The following PCDHGB5 variants were observed in gnomAD, a reference collection of about 807,000 sequenced individuals.
The protein encoded by PCDHGB5 is protocadherin gamma-B5.
Under a neutral mutation model 62.9 loss-of-function variants are expected in PCDHGB5, and 48 were observed. The observed-to-expected ratio is 0.76, with a 90% CI of 0.61 to 0.97. The LOEUF is 0.97. Among genes scored for constraint, PCDHGB5 ranks in the 50% least tolerant of loss-of-function variants. PCDHGB5 has a pLI of 0.00. For synonymous variants in PCDHGB5, 474 were observed against 511.2 expected (o/e 0.93, Z 0.98); for missense variants, 1,118 against 1,198.6 (o/e 0.93, Z 0.99).
intron 1 of PCDHGB5, chr5:141,423,760 G>GGT: frequency 7.2e-6 from 2 of 279,662 alleles, no homozygotes; most frequent in Non-Finnish European, 1.1e-5. Context: ...TGGGGGGGGG[G>GGT]TGGGGCGGCA....
At chr5:141,407,969 A>C (rs900029714) in intron 1 of PCDHGB5, 1 of 708,308 alleles carries the variant, frequency 1.4e-6, no homozygotes, top group Non-Finnish European at 2.2e-6. Flanking sequence ...GCAAGCGCTG[A>C]CGCCGGGGAT....
intron 1 of PCDHGB5, chr5:141,422,206 G>A (rs1269700250): frequency 6.4e-7 from 1 of 1,562,324 alleles, no homozygotes; most frequent in Non-Finnish European, 8.6e-7. Flanking sequence ...AGATGGTGGA[G>A]GTCTCTTTAC....
intron 1 of PCDHGB5, among the ~76,000 whole-genome samples, chr5:141,425,689 A>C (rs887583603): frequency 6.6e-6 from 1 of 152,232 alleles, no homozygotes; most frequent in African/African-American, 2.4e-5. Flanking sequence ...ACTGCATATC[A>C]TTTCATAGTG....
rs960870975 is a variant in PCDHGB5 at position 141,417,761 on chromosome 5, C to T, written c.2397+17237C>T. On this transcript the variant is annotated intron_variant, in intron 1 of 3. Coordinates refer to ENST00000617380, the MANE Select transcript of PCDHGB5 (RefSeq NM_018925.3). ...ACACCAGATTGCCAGCTCCGAGACC[C>T]GGGACTCCTCCTGTCCTGGGCCGAA... is the stretch of plus-strand genomic sequence containing the variant. 1.8e-5 allele frequency: 26 copies of T among 1,438,736 alleles called. No homozygotes were observed. The East Asian group carries it at 5.0e-4, about 28-fold the overall frequency. The allele number at this position is 1,438,736 out of a possible 1,614,324, so 89.1% of individuals were successfully genotyped here.
intron 1 of PCDHGB5, among the ~76,000 whole-genome samples, chr5:141,425,257 G>A (rs746250240): frequency 6.6e-6 from 1 of 152,152 alleles, no homozygotes; most frequent in Non-Finnish European, 1.5e-5. Context: ...TGAGGTATTT[G>A]GCTGGGAAAA....
intron 2 of PCDHGB5, among the ~76,000 whole-genome samples, chr5:141,500,231 C>T (rs992215482): frequency 1.4e-5 from 2 of 138,098 alleles, no homozygotes; most frequent in East Asian, 4.1e-4. Context: ...TTTATTGATA[C>T]GTAGCCTTGC....
intron 1 of PCDHGB5, chr5:141,423,454 G>C (rs1323921797): frequency 1.9e-6 from 3 of 1,614,030 alleles, no homozygotes; most frequent in Non-Finnish European, 2.5e-6. Context: ...ACATTTTGTA[G>C]GCGTGGACGG....
At chr5:141,426,937 C>T in intron 1 of PCDHGB5, 1 of 456,736 alleles carries the variant, frequency 2.2e-6, no homozygotes, top group Non-Finnish European at 4.4e-6. Flanking sequence ...ATGGGTGACC[C>T]AGTCCCAACT....
At chr5:141,434,453 T>C (rs1172243323) in intron 1 of PCDHGB5, among the ~76,000 whole-genome samples, 1 of 152,226 alleles carries the variant, frequency 6.6e-6, no homozygotes, top group Non-Finnish European at 1.5e-5. Context: ...TGGAAGGTAG[T>C]GGGTTTACCG....
intron 1 of PCDHGB5, chr5:141,427,868 C>T (rs1311930991): frequency 4.5e-6 from 7 of 1,559,298 alleles, no homozygotes; most frequent in African/African-American, 2.7e-5. Context: ...CCTTCGAGCT[C>T]ACGATGCAGG....
rs752680691 is a variant in PCDHGB5, at chr5:141,433,173, G to A, written c.2397+32649G>A. Reference sequence around the variant, plus strand: ...TCGGTATTTTCTAAAGACAGTCATGGGTTAATTGAGGTGAGTTTATATCAA... The same window carrying A: ...TCGGTATTTTCTAAAGACAGTCATGAGTTAATTGAGGTGAGTTTATATCAA... On this transcript the variant is annotated intron_variant, in intron 1 of 3. Coordinates refer to ENST00000617380, the MANE Select transcript of PCDHGB5 (RefSeq NM_018925.3). 3.1e-6 allele frequency: 5 copies of A among 1,610,344 alleles called. 1 individual carries two copies. In the Middle Eastern group the frequency reaches 5.0e-4, roughly 160 times the overall value.
At position 141,444,152 on chromosome 5, in the gene PCDHGB5, A is replaced by ATTTTTTTTTTT. The variant is rs747671382; in HGVS notation, c.2397+43654_2397+43664dup. 8.9e-5 allele frequency among the ~76,000 whole-genome samples: 3 copies of ATTTTTTTTTTT among 33,898 alleles called. 1 individual carries two copies. Among genetic ancestry groups the ATTTTTTTTTTT allele is most frequent in the African/African-American group, 4.2e-4 (3 of 7,184 alleles). 22.2% of individuals were successfully genotyped at this position (33,898 alleles called of 152,430 possible). On this transcript the variant is annotated intron_variant, in intron 1 of 3. Transcript: ENST00000617380. Reference sequence around the variant, plus strand: ...GATATGTGTCACTTGTGTGTACTGGATTTTTTTTTTTTTTTTTTTTTTTTT... The same window carrying ATTTTTTTTTTT: ...GATATGTGTCACTTGTGTGTACTGGATTTTTTTTTTTTTTTTTTTTTTTTTTTTTTTTTTTT...
At position 141,415,641 on chromosome 5, in the gene PCDHGB5, TAA is replaced by T. The variant is rs113784532; in HGVS notation, c.2397+15127_2397+15128del. On this transcript the variant is annotated intron_variant, in intron 1 of 3. Transcript: ENST00000617380. ...GTTTTATTTTCATTTTTACTTTTGT[TAA>T]AAAAAAAAAGATTGGTTTTTACTTT... is the stretch of plus-strand genomic sequence containing the variant. 3.1e-5 allele frequency: 40 copies of T among 1,280,748 alleles called. No homozygotes were observed. The African/African-American group carries it at 4.6e-4, about 15-fold the overall frequency. 79.3% of individuals were successfully genotyped at this position (1,280,748 alleles called of 1,614,324 possible).
chr5:141,416,791 G>A (rs1389798483), intron 1 of PCDHGB5: 2 of 152,166 alleles, frequency 1.3e-5, no homozygotes, highest in South Asian at 2.1e-4. Context: ...TCTACTAAAT[G>A]TGGTAGTATA....
At chr5:141,406,043 A>G (rs1346440934) in intron 1 of PCDHGB5, among the ~76,000 whole-genome samples, 3 of 150,174 alleles carry the variant, frequency 2.0e-5, no homozygotes, top group East Asian at 3.9e-4. Context: ...CATTGGTTGC[A>G]GTGGACTCAT....
chr5:141,503,773 C>A (rs961986223), intron 2 of PCDHGB5, among the ~76,000 whole-genome samples: 1 of 152,204 alleles, frequency 6.6e-6, no homozygotes. Context: ...TGTGTCTGTT[C>A]TTAGGCTGAG....
intron 2 of PCDHGB5, among the ~76,000 whole-genome samples, chr5:141,502,829 C>A (rs1034808123): frequency 2.0e-5 from 3 of 150,428 alleles, no homozygotes; most frequent in African/African-American, 7.4e-5. Context: ...CTTGGGGAAG[C>A]CTGGACTGGC....
chr5:141,446,482 CT>C (rs112180482), intron 1 of PCDHGB5, among the ~76,000 whole-genome samples: 30,290 of 146,632 alleles, frequency 0.21, 3,322 homozygotes, highest in African/African-American at 0.31. Flanking sequence ...GGTCATCATT[CT>C]TTTTTTTTTT....
chr5:141,445,975 G>A (rs1279186740), intron 1 of PCDHGB5, among the ~76,000 whole-genome samples: 1 of 152,124 alleles, frequency 6.6e-6, no homozygotes, highest in Non-Finnish European at 1.5e-5. Flanking sequence ...TGATTTATGA[G>A]GGTTATAAAT....
Sources: gnomAD v4.1 joint callset for allele counts (sites outside exome capture counted in the v4.1 genomes callset) on GRCh38, gnomAD v4.1.1 for gene constraint, MANE v1.5 for transcripts, NCBI Gene and HGNC (gene_info 2026-07-23, HGNC 2026-07-21) for gene names.